Variants in PSMG4 observed in about 807,000 individuals in gnomAD.
PSMG4 encodes proteasome assembly chaperone 4.
A neutral mutation model predicts 11.0 loss-of-function variants in PSMG4; 10 were observed. The ratio of observed to expected loss-of-function variants is 0.91; its 90% CI spans 0.56 to 1.54. PSMG4 has a LOEUF of 1.54. Among genes scored for constraint, PSMG4 ranks in the 40% most tolerant of loss-of-function variants. The pLI is 0.00. For missense variants in PSMG4, 198 were observed against 160.9 expected (o/e 1.23, Z -1.25); for synonymous variants, 95 against 71.3 (o/e 1.33, Z -1.68).
intron 2 of PSMG4, 70 bp from the exon 3 acceptor site, chr6:3,267,521 C>G (rs769598694): frequency 1.3e-6 from 2 of 1,517,268 alleles, no homozygotes; most frequent in Non-Finnish European, 1.8e-6. Flanking sequence ...CCCAGCTGCA[C>G]GTGGCTGTGA....
chr6:3,263,035 C>T (rs906325666), intron 1 of PSMG4, among the ~76,000 whole-genome samples: 2 of 152,168 alleles, frequency 1.3e-5, no homozygotes, highest in Non-Finnish European at 2.9e-5. Context: ...CGCCGGAGGG[C>T]CCATTTGTTG....
At chr6:3,261,208 CCTTT>C in intron 1 of PSMG4, among the ~76,000 whole-genome samples, 1 of 142,868 alleles carries the variant, frequency 7.0e-6, no homozygotes, top group African/African-American at 2.6e-5. Flanking sequence ...CATCTGGATT[CCTTT>C]CTTGCTTTTC....
chr6:3,267,086 A>T (rs1758214137), intron 2 of PSMG4: 1 of 151,978 alleles, frequency 6.6e-6, no homozygotes. Context: ...CGATCTCCTG[A>T]CCTTATGATC....
upstream of PSMG4, among the ~76,000 whole-genome samples, chr6:3,254,692 A>G (rs976422085): frequency 1.3e-5 from 2 of 152,088 alleles, no homozygotes; most frequent in Non-Finnish European, 2.9e-5. Flanking sequence ...ACTCAACAGA[A>G]AGAAGCTGTG....
chr6:3,255,552 CT>C (rs1239535332), upstream of PSMG4, among the ~76,000 whole-genome samples: 8 of 152,188 alleles, frequency 5.3e-5, 1 homozygote, highest in African/African-American at 9.7e-5. Context: ...CAACCTTGGG[CT>C]GCTGTTCTGT....
chr6:3,266,666 C>T (rs1426806435), intron 2 of PSMG4: 2 of 152,058 alleles, frequency 1.3e-5, no homozygotes, highest in African/African-American at 4.8e-5. Context: ...TCTATTGATT[C>T]TGTAGAAGGG....
upstream of PSMG4, among the ~76,000 whole-genome samples, chr6:3,254,617 T>G (rs569780843): frequency 1.4e-4 from 21 of 152,268 alleles, no homozygotes; most frequent in African/African-American, 2.2e-4. Context: ...AGGCGTAGCT[T>G]TAAGAGGTGT....
chr6:3,263,782 G>A, intron 2 of PSMG4, 23 bp downstream of exon 2: 2 of 1,546,404 alleles, frequency 1.3e-6, no homozygotes, highest in Admixed American at 2.0e-5. Flanking sequence ...AGCTGGCGCT[G>A]CATGGCCAGC....
Position 3,263,720 on chromosome 6 carries a change from A to G in PSMG4, c.211A>G (p.Thr71Ala). Residue 71 changes from threonine to alanine, a missense_variant, in exon 2 of 3, where the codon ACT (threonine) becomes GCT (alanine). Coordinates refer to ENST00000438998, the MANE Select transcript of PSMG4 (RefSeq NM_001128591.2). ...IPVSTSLLGD[T>A]SDTTSTGLAQ... is the part of the protein sequence containing the mutation. ...CGTGTCTACCTCCCTCCTTGGAGACACTTCCGACACGACCTCTACTGGCCT... is the reference window on the plus strand; with the variant it reads ...CGTGTCTACCTCCCTCCTTGGAGACGCTTCCGACACGACCTCTACTGGCCT... 2 of 1,550,928 alleles carry G rather than the reference A, an allele frequency of 1.3e-6. No individual in the cohort carries two copies. Among genetic ancestry groups the G allele is most frequent in the Non-Finnish European group, 1.7e-6 (2 of 1,146,622 alleles).
upstream of PSMG4, among the ~76,000 whole-genome samples, chr6:3,257,058 C>G (rs1217232733): frequency 6.6e-6 from 1 of 152,076 alleles, no homozygotes; most frequent in Non-Finnish European, 1.5e-5. Context: ...ACAGAGTGAG[C>G]AGAAGGAAAG....
Position 3,264,227 on chromosome 6 carries a change from G to A in PSMG4, c.250+468G>A, listed in dbSNP as rs1266481043. 1.3e-5 allele frequency: 20 copies of A among 1,551,516 alleles called. 1 individual carries two copies. In the Admixed American group the frequency reaches 3.9e-4, roughly 30 times the overall value. On this transcript the variant is annotated intron_variant, in intron 2 of 2. Coordinates refer to ENST00000438998, the MANE Select transcript of PSMG4 (RefSeq NM_001128591.2). Reference sequence around the variant, plus strand: ...CGTTCAGGGCTCGGAGGGAAGACTGGCCTGGCCTGTGAGTGTGGCGTAGAG... The same window carrying A: ...CGTTCAGGGCTCGGAGGGAAGACTGACCTGGCCTGTGAGTGTGGCGTAGAG...
chr6:3,262,587 A>G (rs989692924), intron 1 of PSMG4, among the ~76,000 whole-genome samples: 8 of 129,756 alleles, frequency 6.2e-5, no homozygotes, highest in Admixed American at 3.4e-4. Flanking sequence ...CTGCCCTGCC[A>G]TACTGTCTGG....
chr6:3,258,739 G>A (rs773675744), upstream of PSMG4, among the ~76,000 whole-genome samples: 37 of 152,130 alleles, frequency 2.4e-4, no homozygotes, highest in Non-Finnish European at 2.1e-4. Context: ...TGCTACTCAA[G>A]TGGGTTTCCC....
At chr6:3,254,704 G>A (rs1050886919), upstream of PSMG4, among the ~76,000 whole-genome samples, 13 of 152,288 alleles carry the variant, frequency 8.5e-5, no homozygotes, top group African/African-American at 2.6e-4. Context: ...GAAGCTGTGG[G>A]ATGCGCCTGG....
intron 2 of PSMG4, chr6:3,266,887 G>C (rs1758202947): frequency 6.6e-6 from 1 of 151,650 alleles, no homozygotes; most frequent in Non-Finnish European, 1.5e-5. Context: ...ACGGAGTCTT[G>C]CTCTATTGCC....
chr6:3,258,786 C>G (rs944358933), upstream of PSMG4: 2 of 373,546 alleles, frequency 5.4e-6, no homozygotes, highest in Non-Finnish European at 9.5e-6. Context: ...GCGGGAGAGG[C>G]CAGCAAGACA....
At chr6:3,255,099 T>C (rs1254376621), upstream of PSMG4, 1 of 1,551,040 alleles carries the variant, frequency 6.4e-7, no homozygotes, top group Non-Finnish European at 8.7e-7. Context: ...GTTGGCTGCA[T>C]AGGAGCACAA....
upstream of PSMG4, chr6:3,258,875 CT>C (rs1236792747): frequency 2.2e-5 from 17 of 774,364 alleles, no homozygotes; most frequent in Non-Finnish European, 2.6e-5. Flanking sequence ...GGGATCGCCC[CT>C]CCCCGACCAC....
intron 1 of PSMG4, among the ~76,000 whole-genome samples, chr6:3,259,679 C>G (rs1304214104): frequency 1.3e-5 from 2 of 152,228 alleles, no homozygotes; most frequent in Admixed American, 1.3e-4. Context: ...CCTGGCTGTG[C>G]GTTCAGAGCC....
Sources: allele counts gnomAD v4.1 joint callset (sites outside exome capture counted in the v4.1 genomes callset), GRCh38; gene constraint gnomAD v4.1.1; transcripts MANE v1.5; gene names NCBI Gene and HGNC (gene_info 2026-07-23, HGNC 2026-07-21).